Variants in ANK2 observed in about 807,000 individuals in gnomAD.
The protein encoded by ANK2 is ankyrin-2.
A neutral mutation model predicts 360.5 loss-of-function variants in ANK2; 83 were observed. That is an observed-to-expected ratio of 0.23 (90% CI 0.19 to 0.28). The LOEUF is 0.28. Ranked by LOEUF, ANK2 falls within the 10% of genes least tolerant of loss-of-function variation. The pLI, the probability that ANK2 is intolerant of heterozygous loss-of-function variation, is 1.00. For synonymous variants in ANK2, 1,740 were observed against 1,759.5 expected (o/e 0.99, Z 0.28); for missense variants, 4,201 against 4,795.7 (o/e 0.88, Z 3.66).
At chr4:112,854,914 T>C (rs1427992531) in intron 1 of ANK2, among the ~76,000 whole-genome samples, 1 of 152,120 alleles carries the variant, frequency 6.6e-6, no homozygotes, top group Non-Finnish European at 1.5e-5. Context: ...GTTATTTAAA[T>C]CTTTGTATTT....
intron 1 of ANK2, among the ~76,000 whole-genome samples, chr4:112,861,839 CAGAGAGAGAGAG>C (rs141841376): frequency 1.4e-5 from 2 of 140,406 alleles, no homozygotes; most frequent in African/African-American, 2.7e-5. Context: ...TACATAGAGA[CAGAGAGAGAGAG>C]AGAGAGAGAG....
chr4:113,237,771 CTG>C (rs2099395029), intron 7 of ANK2, 149 bp downstream of exon 7: 1 of 728,396 alleles, frequency 1.4e-6, no homozygotes, highest in Admixed American at 2.1e-5. Flanking sequence ...TGAAGGCAAA[CTG>C]ATAATTCAAA....
At chr4:112,710,903 T>TA in the ANK2 span, among the ~76,000 whole-genome samples, 16 of 141,284 alleles carry the variant, frequency 1.1e-4, no homozygotes, top group East Asian at 1.2e-3. Context: ...TGAACAGGTT[T>TA]TATATATATA....
At chr4:113,011,844 TCA>T (rs1371166506) in intron 2 of ANK2, among the ~76,000 whole-genome samples, 1 of 152,134 alleles carries the variant, frequency 6.6e-6, no homozygotes, top group Admixed American at 6.5e-5. Flanking sequence ...CTGCCACCCT[TCA>T]CATTCAATTG....
chr4:112,834,845 CT>C (rs2060653808), intron 1 of ANK2, among the ~76,000 whole-genome samples: 1 of 152,190 alleles, frequency 6.6e-6, no homozygotes, highest in African/African-American at 2.4e-5. Context: ...AAAACAGACA[CT>C]TGTTTCTTTG....
chr4:112,988,906 C>T (rs2045826883), intron 2 of ANK2, among the ~76,000 whole-genome samples: 1 of 152,112 alleles, frequency 6.6e-6, no homozygotes, highest in Non-Finnish European at 1.5e-5. Flanking sequence ...TAAAAAAATT[C>T]TGATGGTCTC....
chr4:113,156,352 G>T (rs1007844745), intron 1 of ANK2, among the ~76,000 whole-genome samples: 1 of 132,268 alleles, frequency 7.6e-6, no homozygotes, highest in Non-Finnish European at 1.7e-5. Flanking sequence ...CAAACGTATA[G>T]AGTATATGTA....
chr4:113,381,823 A>T lies in ANK2; in HGVS notation c.*352A>T, dbSNP rs142883951. On this transcript the variant is annotated 3_prime_UTR_variant, in exon 46 of 46. Transcript: ENST00000357077. ...TCTTTAACTATAAAGCTAATTTGTG[A>T]CCAAAGATGGCATCCTTCATACTGG... is the stretch of plus-strand genomic sequence containing the variant. 23 of 524,590 alleles carry T rather than the reference A, an allele frequency of 4.4e-5. No homozygotes were observed. The East Asian group carries it at 5.7e-4, about 13-fold the overall frequency. The allele number at this position is 524,590 out of a possible 1,614,324, so 32.5% of individuals were successfully genotyped here. A position where few individuals can be genotyped will look rare whatever the true frequency, so the allele number is the denominator to read the frequency against.
chr4:113,091,582 A>G (rs908898543), intron 1 of ANK2, among the ~76,000 whole-genome samples: 1 of 152,242 alleles, frequency 6.6e-6, no homozygotes, highest in Non-Finnish European at 1.5e-5. Context: ...ATGGATCAGC[A>G]CTACAGAAAA....
At chr4:113,342,367 G>C (rs2094394676) in intron 33 of ANK2, among the ~76,000 whole-genome samples, 1 of 151,850 alleles carries the variant, frequency 6.6e-6, no homozygotes. Context: ...AGGTCTTTGG[G>C]TGTTGAAGTC....
intron 1 of ANK2, among the ~76,000 whole-genome samples, chr4:113,155,391 A>T (rs1173873948): frequency 6.6e-6 from 1 of 152,180 alleles, no homozygotes; most frequent in Non-Finnish European, 1.5e-5. Flanking sequence ...AGGCAGTTCT[A>T]AGTCCATTTT....
chr4:112,739,338 C>G, the ANK2 span, among the ~76,000 whole-genome samples: 1 of 152,324 alleles, frequency 6.6e-6, no homozygotes, highest in Admixed American at 6.5e-5. Flanking sequence ...CTAGGCCAGG[C>G]TCTGTGGCTC....
intron 2 of ANK2, among the ~76,000 whole-genome samples, chr4:113,004,000 A>G (rs1293898966): frequency 6.6e-6 from 1 of 152,204 alleles, no homozygotes; most frequent in East Asian, 1.9e-4. Flanking sequence ...AAGATAAACA[A>G]TGATACATCG....
chr4:113,169,284 GCTAGACATGGATTTTAA>G (rs2097859299), intron 1 of ANK2, among the ~76,000 whole-genome samples: 2 of 152,224 alleles, frequency 1.3e-5, no homozygotes, highest in East Asian at 3.9e-4. Context: ...GTCACAATTT[GCTAGACATGGATTTTAA>G]CTTATCCTAC....
chr4:113,016,858 G>T (rs2056787125), intron 2 of ANK2, among the ~76,000 whole-genome samples: 1 of 152,128 alleles, frequency 6.6e-6, no homozygotes, highest in South Asian at 2.1e-4. Context: ...TGCCCTCTGA[G>T]GCTGAGGCTG....
At chr4:113,228,023 T>C (rs2099246137) in intron 4 of ANK2, among the ~76,000 whole-genome samples, 1 of 152,170 alleles carries the variant, frequency 6.6e-6, no homozygotes, top group Non-Finnish European at 1.5e-5. Context: ...ATTCTTCGCA[T>C]TTGCTCCCCT....
rs17045926 is a variant in ANK2, at chr4:113,329,979, A to C, written c.2901-267A>C. On this transcript the variant is annotated intron_variant, in intron 26 of 45. Transcript: ENST00000357077. ...TCAATTAGGCTTATTTTTAATTTAC[A>C]GTTTATATTGAACATCACCATTGTC... Among the ~76,000 whole-genome samples, 1,498 of 152,306 alleles carry C rather than the reference A, an allele frequency of 9.8e-3. 24 individuals are homozygous for C. The highest frequency in any genetic ancestry group is 0.034 in the African/African-American group (1,425 of 41,568).
At chr4:112,749,744 CTT>C in the ANK2 span, among the ~76,000 whole-genome samples, 2 of 152,016 alleles carry the variant, frequency 1.3e-5, no homozygotes, top group African/African-American at 2.4e-5. Flanking sequence ...CTGTAGGTAA[CTT>C]TTTGTTCTGT....
chr4:113,058,704 C>T (rs944449578), intron 1 of ANK2, among the ~76,000 whole-genome samples: 1 of 151,866 alleles, frequency 6.6e-6, no homozygotes, highest in Non-Finnish European at 1.5e-5. Flanking sequence ...TGGCAATACA[C>T]CCAATGGCCA....
Sources: gnomAD v4.1 joint callset for allele counts (sites outside exome capture counted in the v4.1 genomes callset) on GRCh38, gnomAD v4.1.1 for gene constraint, MANE v1.5 for transcripts, NCBI Gene and HGNC (gene_info 2026-07-23, HGNC 2026-07-21) for gene names.